The following TRAPPC9 variants were observed in gnomAD, a reference collection of about 807,000 sequenced individuals.
The protein encoded by TRAPPC9 is trafficking protein particle complex subunit 9.
TRAPPC9 carries 83 observed loss-of-function variants against 124.0 expected under a neutral mutation model. The ratio of observed to expected loss-of-function variants is 0.67; its 90% CI spans 0.56 to 0.80. TRAPPC9 has a LOEUF of 0.80. Among genes scored for constraint, TRAPPC9 ranks in the 30% least tolerant of loss-of-function variants. The probability of loss-of-function intolerance (pLI) is 0.00; values close to 1 mark genes in which losing one functional copy is unlikely to be tolerated. For missense variants in TRAPPC9, 1,302 were observed against 1,508.3 expected, an observed-to-expected ratio of 0.86 and a Z score of 2.27; for synonymous variants, 638 against 617.5, an observed-to-expected ratio of 1.03 and a Z score of -0.49.
intron 17 of TRAPPC9, among the ~76,000 whole-genome samples, chr8:140,039,480 T>C (rs1270702455): frequency 2.0e-5 from 3 of 152,238 alleles, no homozygotes; most frequent in Admixed American, 1.3e-4. Flanking sequence ...ATTACCCACT[T>C]TTTATAGGTA....
intron 17 of TRAPPC9, among the ~76,000 whole-genome samples, chr8:140,073,192 A>G (rs1186859769): frequency 1.3e-5 from 2 of 152,216 alleles, no homozygotes; most frequent in African/African-American, 4.8e-5. Flanking sequence ...CTACCCCTTA[A>G]TAACTCCTAG....
intron 17 of TRAPPC9, among the ~76,000 whole-genome samples, chr8:140,072,206 T>A (rs1004883148): frequency 6.6e-6 from 1 of 152,140 alleles, no homozygotes; most frequent in East Asian, 1.9e-4. Flanking sequence ...CTTCAGTGCA[T>A]GTAAATTATA....
intron 21 of TRAPPC9, among the ~76,000 whole-genome samples, chr8:139,756,083 G>A (rs75980379): frequency 6.4e-5 from 7 of 108,772 alleles, no homozygotes; most frequent in African/African-American, 9.3e-5. Context: ...GCCAGGGTTT[G>A]GGGATGAGGA....
chr8:140,214,774 C>G (rs149744689), intron 17 of TRAPPC9, among the ~76,000 whole-genome samples: 3 of 152,230 alleles, frequency 2.0e-5, no homozygotes. Flanking sequence ...CAGTCATGAA[C>G]GTGGACAGAC....
intron 13 of TRAPPC9, 149 bp from the exon 14 acceptor site, chr8:140,284,170 C>T (rs1041806029): frequency 2.4e-5 from 22 of 914,858 alleles, no homozygotes; most frequent in Non-Finnish European, 3.5e-5. Context: ...CCCACACTCC[C>T]GCCCTCAACC....
At chr8:139,829,803 A>G (rs2130833629) in intron 21 of TRAPPC9, among the ~76,000 whole-genome samples, 1 of 152,360 alleles carries the variant, frequency 6.6e-6, no homozygotes, top group Non-Finnish European at 1.5e-5. Context: ...TGCTACACAC[A>G]TGAGCTAGGC....
intron 19 of TRAPPC9, among the ~76,000 whole-genome samples, chr8:139,969,734 G>A (rs1835940121): frequency 6.6e-6 from 1 of 152,244 alleles, no homozygotes; most frequent in South Asian, 2.1e-4. Context: ...AAAGGTTCAA[G>A]CTTGGGAAGC....
chr8:140,340,202 GAC>G (rs1234822500), intron 9 of TRAPPC9, among the ~76,000 whole-genome samples: 2 of 152,178 alleles, frequency 1.3e-5, no homozygotes, highest in South Asian at 2.1e-4. Context: ...GTCAGAGTCA[GAC>G]ACAGTCAAAA....
intron 16 of TRAPPC9, among the ~76,000 whole-genome samples, chr8:140,225,433 G>T (rs1451668465): frequency 1.3e-5 from 2 of 152,200 alleles, no homozygotes; most frequent in African/African-American, 2.4e-5. Context: ...AGGTAGATAT[G>T]TGCGAAGACT....
rs1393339105 is a variant in TRAPPC9 at position 139,732,131 on chromosome 8, G to A, written c.3127C>T (p.Leu1043=). The A allele has an allele frequency of 6.2e-7, 1 of 1,606,290 alleles. No individual in the cohort carries two copies. Among genetic ancestry groups the A allele is most frequent in the African/African-American group, 1.3e-5 (1 of 74,962 alleles). The change falls in exon 22 of 23, where the codon CTG becomes TTG. Residue 1043 remains leucine (L), a synonymous_variant. Transcript: ENST00000438773. ...AACQVGDPVR[L]EVRLTNRSPR... ...CTCCGGTTGGTCAGCCGCACCTCCAGGCGCACGGGGTCGCCCACCTGGCAG... is the reference window on the plus strand; with the variant it reads ...CTCCGGTTGGTCAGCCGCACCTCCAAGCGCACGGGGTCGCCCACCTGGCAG...
At chr8:140,055,256 A>G (rs988724986) in intron 17 of TRAPPC9, among the ~76,000 whole-genome samples, 1 of 152,244 alleles carries the variant, frequency 6.6e-6, no homozygotes, top group African/African-American at 2.4e-5. Flanking sequence ...TTAACAAAAT[A>G]AAGGGCAAAA....
intron 7 of TRAPPC9, among the ~76,000 whole-genome samples, chr8:140,377,011 A>G (rs2068460922): frequency 6.6e-6 from 1 of 152,158 alleles, no homozygotes; most frequent in African/African-American, 2.4e-5. Context: ...CACATGCTAG[A>G]GGAAGGACAC....
intron 20 of TRAPPC9, among the ~76,000 whole-genome samples, chr8:139,892,180 T>G (rs1830395673): frequency 6.6e-6 from 1 of 152,232 alleles, no homozygotes; most frequent in Admixed American, 6.5e-5. Context: ...CGCTCCTTCC[T>G]GGCCAGGGAA....
intron 21 of TRAPPC9, among the ~76,000 whole-genome samples, chr8:139,768,316 C>G (rs981353186): frequency 6.6e-6 from 1 of 152,238 alleles, no homozygotes; most frequent in Non-Finnish European, 1.5e-5. Context: ...GACCCTGGAG[C>G]CACAGCAGTG....
At chr8:139,860,146 A>G in intron 21 of TRAPPC9, among the ~76,000 whole-genome samples, 1 of 152,184 alleles carries the variant, frequency 6.6e-6, no homozygotes, top group East Asian at 1.9e-4. Flanking sequence ...GAGTGAATAA[A>G]CAGTTGAATA....
At chr8:140,066,178 A>G (rs746376562) in intron 17 of TRAPPC9, among the ~76,000 whole-genome samples, 7 of 152,242 alleles carry the variant, frequency 4.6e-5, no homozygotes, top group Non-Finnish European at 8.8e-5. Flanking sequence ...TATGGTAGAA[A>G]TAGCAGTAGA....
chr8:140,380,524 A>G (rs2068571835), intron 7 of TRAPPC9, among the ~76,000 whole-genome samples: 1 of 151,720 alleles, frequency 6.6e-6, no homozygotes, highest in Non-Finnish European at 1.5e-5. Flanking sequence ...GCCTTGTGGC[A>G]GGTGCCTGTA....
intron 9 of TRAPPC9, among the ~76,000 whole-genome samples, chr8:140,346,463 T>C (rs980555403): frequency 3.3e-5 from 5 of 152,206 alleles, no homozygotes; most frequent in African/African-American, 1.2e-4. Flanking sequence ...GTCAAACACA[T>C]CCTTTGGAGT....
chr8:140,449,052 G>A (rs1031476880), intron 2 of TRAPPC9, among the ~76,000 whole-genome samples: 1 of 152,124 alleles, frequency 6.6e-6, no homozygotes, highest in South Asian at 2.1e-4. Flanking sequence ...CTTCCTTCCA[G>A]ACCCTGCAAA....
Sources: gnomAD v4.1 joint callset for allele counts (sites outside exome capture counted in the v4.1 genomes callset) on GRCh38, gnomAD v4.1.1 for gene constraint, MANE v1.5 for transcripts, NCBI Gene and HGNC (gene_info 2026-07-23, HGNC 2026-07-21) for gene names.